The following ZNF682 variants were observed in gnomAD, a reference collection of about 807,000 sequenced individuals.
ZNF682 encodes the protein zinc finger protein 682.
Under a neutral mutation model 36.5 loss-of-function variants are expected in ZNF682, and 29 were observed. The observed-to-expected ratio is 0.80, with a 90% CI of 0.59 to 1.08. ZNF682 has a LOEUF of 1.08. ZNF682 is among the 50% of genes least tolerant of loss of function. The probability of loss-of-function intolerance (pLI) is 0.00; values close to 1 mark genes in which losing one functional copy is unlikely to be tolerated. For synonymous variants in ZNF682, 180 were observed against 197.0 expected (o/e 0.91, Z 0.72); for missense variants, 561 against 579.7 (o/e 0.97, Z 0.33).
rs117891114 is a variant in ZNF682 at position 20,021,749 on chromosome 19, C to T, written c.226+1255G>A. On this transcript the variant is annotated intron_variant, in intron 3 of 3. Coordinates refer to ENST00000397165, the MANE Select transcript of ZNF682 (RefSeq NM_033196.3). Reference sequence around the variant, plus strand: ...TCTGGGAAAATAAAGTTTAAATTACCAATTTTAGTTCACACTAAAAATATA... The same window carrying T: ...TCTGGGAAAATAAAGTTTAAATTACTAATTTTAGTTCACACTAAAAATATA... Among the ~76,000 whole-genome samples the T allele has an allele frequency of 5.7e-3, 871 of 152,156 alleles. 6 individuals carry two copies. The highest frequency in any genetic ancestry group is 0.034 in the Middle Eastern group (10 of 294).
At chr19:20,035,702 T>C (rs1208526374) in intron 1 of ZNF682, among the ~76,000 whole-genome samples, 1 of 92,010 alleles carries the variant, frequency 1.1e-5, no homozygotes, top group Non-Finnish European at 2.3e-5. Context: ...AAAATAAATA[T>C]TGTGCTGTTA....
chr19:20,033,371 T>G (rs2088497302), intron 1 of ZNF682: 1 of 152,424 alleles, frequency 6.6e-6, no homozygotes, highest in Admixed American at 6.5e-5. Flanking sequence ...GCCATGGTGC[T>G]TCTGCCCATG....
At chr19:20,014,973 A>C (rs1400043398) in intron 3 of ZNF682, among the ~76,000 whole-genome samples, 1 of 152,174 alleles carries the variant, frequency 6.6e-6, no homozygotes, top group African/African-American at 2.4e-5. Flanking sequence ...GGGGAAAATG[A>C]GTAGTTTCGT....
chr19:20,012,300 T>A (rs761930465), intron 3 of ZNF682, among the ~76,000 whole-genome samples: 3 of 152,020 alleles, frequency 2.0e-5, no homozygotes, highest in Non-Finnish European at 4.4e-5. Context: ...AATAAATTTT[T>A]CTGAAAGATA....
downstream of ZNF682, among the ~76,000 whole-genome samples, chr19:20,002,699 G>T (rs1354230884): frequency 6.6e-6 from 1 of 152,138 alleles, no homozygotes; most frequent in Admixed American, 6.5e-5. Context: ...TAATTATGGA[G>T]TGTGTATTAC....
chr19:20,023,224 C>T (rs1040027004), intron 2 of ZNF682, 125 bp from the exon 3 acceptor site: 26 of 832,550 alleles, frequency 3.1e-5, no homozygotes, highest in African/African-American at 6.9e-5. Flanking sequence ...TAAGGACAGG[C>T]GCGTTGGCTC....
At chr19:20,010,843 T>C (rs2088279463) in intron 3 of ZNF682, among the ~76,000 whole-genome samples, 1 of 151,932 alleles carries the variant, frequency 6.6e-6, no homozygotes, top group African/African-American at 2.4e-5. Flanking sequence ...TGTGCACGTG[T>C]AGTCCCAGCT....
intron 1 of ZNF682, among the ~76,000 whole-genome samples, chr19:20,036,048 T>C (rs146315524): frequency 9.6e-4 from 146 of 152,310 alleles, no homozygotes; most frequent in African/African-American, 3.4e-3. Context: ...AAAAATACTC[T>C]TTAATTTAAA....
chr19:20,016,966 T>C (rs1048711504), intron 3 of ZNF682, among the ~76,000 whole-genome samples: 6 of 152,144 alleles, frequency 3.9e-5, no homozygotes, highest in Admixed American at 1.3e-4. Context: ...TAAAAAGGTA[T>C]AGTTTTATAT....
Position 20,039,474 on chromosome 19 carries a change from A to C in ZNF682, c.-129T>G. 1 of 1,287,162 alleles carries C rather than the reference A, an allele frequency of 7.8e-7. No homozygotes were observed. Among genetic ancestry groups the C allele is most frequent in the Non-Finnish European group, 1.1e-6 (1 of 931,100 alleles). The allele number at this position is 1,287,162 out of a possible 1,614,324, so 79.7% of individuals were successfully genotyped here. On this transcript the variant is annotated 5_prime_UTR_variant, in exon 1 of 4. Transcript: ENST00000397165. Reference sequence around the variant, plus strand: ...AGAGGATACTAAGCAATGAAGATGGACCCTGAGCTCTGGCTGGAGCGAGAC... The same window carrying C: ...AGAGGATACTAAGCAATGAAGATGGCCCCTGAGCTCTGGCTGGAGCGAGAC...
At chr19:20,017,850 C>T (rs1238044108) in intron 3 of ZNF682, among the ~76,000 whole-genome samples, 1 of 151,862 alleles carries the variant, frequency 6.6e-6, no homozygotes, top group African/African-American at 2.4e-5. Context: ...TATTTTCTGA[C>T]CAAAATGGAA....
At chr19:19,998,179 T>C (rs1474064144) in intron 3 of ZNF682, among the ~76,000 whole-genome samples, 1 of 151,886 alleles carries the variant, frequency 6.6e-6, no homozygotes, top group Non-Finnish European at 1.5e-5. Context: ...CAAGTATACG[T>C]GAAAGAAAAG....
At chr19:20,018,219 A>G (rs927397749) in intron 3 of ZNF682, among the ~76,000 whole-genome samples, 2 of 147,574 alleles carry the variant, frequency 1.4e-5, no homozygotes, top group Non-Finnish European at 3.0e-5. Context: ...TCAGCCTCCC[A>G]AGTAGCTGGG....
intron 3 of ZNF682, chr19:20,015,962 G>A (rs896350519): frequency 1.6e-5 from 6 of 382,340 alleles, no homozygotes; most frequent in African/African-American, 6.2e-5. Flanking sequence ...TCAGATAAAC[G>A]TTGAGGAATA....
intron 3 of ZNF682, among the ~76,000 whole-genome samples, chr19:19,999,093 A>G (rs987886175): frequency 1.3e-5 from 2 of 151,864 alleles, no homozygotes; most frequent in African/African-American, 4.8e-5. Flanking sequence ...AGATGATAAA[A>G]CCCGAAGTGT....
chr19:20,032,875 A>G (rs759315385), intron 1 of ZNF682, among the ~76,000 whole-genome samples: 66 of 152,328 alleles, frequency 4.3e-4, no homozygotes, highest in Admixed American at 2.1e-3. Context: ...ATTATATTCT[A>G]TGAAAGATAA....
At chr19:20,032,015 T>C (rs1568546997) in intron 1 of ZNF682, among the ~76,000 whole-genome samples, 1 of 152,220 alleles carries the variant, frequency 6.6e-6, no homozygotes, top group Non-Finnish European at 1.5e-5. Flanking sequence ...GATTAATTTA[T>C]AGCTATGTGT....
intron 3 of ZNF682, among the ~76,000 whole-genome samples, chr19:20,011,525 T>C (rs887255821): frequency 5.3e-5 from 8 of 152,240 alleles, no homozygotes; most frequent in African/African-American, 1.9e-4. Context: ...GCGCACAGAA[T>C]ATACTTTAAG....
chr19:20,006,582 T>C lies in ZNF682; in HGVS notation c.920A>G (p.His307Arg). The change falls in exon 4 of 4, where the codon CAC becomes CGC. Residue 307 changes from histidine to arginine, a missense_variant. His to Arg is a conservative substitution (Grantham distance 29). Transcript: ENST00000397165. ...ACATTTGTAGGGTTTCTTTCCAGTG[T>C]GAATTGTCTTATGTTTGGTGAGATG... ...HSHLTKHKTI[H>R]TGKKPYKCKE... is the part of the protein sequence containing the mutation. The C allele has an allele frequency of 1.9e-6, 3 of 1,614,214 alleles. No homozygotes were observed. Among genetic ancestry groups the C allele is most frequent in the Non-Finnish European group, 2.5e-6 (3 of 1,180,026 alleles).
Sources: allele counts gnomAD v4.1 joint callset (sites outside exome capture counted in the v4.1 genomes callset), GRCh38; gene constraint gnomAD v4.1.1; transcripts MANE v1.5; gene names NCBI Gene and HGNC (gene_info 2026-07-23, HGNC 2026-07-21).